Variants in TBC1D5 observed in about 807,000 individuals in gnomAD.
TBC1D5 encodes the protein TBC1 domain family member 5.
TBC1D5 carries 75 observed loss-of-function variants against 100.3 expected under a neutral mutation model. The ratio of observed to expected loss-of-function variants is 0.75; its 90% CI spans 0.62 to 0.91. TBC1D5 has a LOEUF of 0.91. Ranked by LOEUF, TBC1D5 falls within the 40% of genes least tolerant of loss-of-function variation. TBC1D5 has a pLI of 0.00. For synonymous variants in TBC1D5, 323 were observed against 325.6 expected (o/e 0.99, Z 0.09); for missense variants, 910 against 942.4 (o/e 0.97, Z 0.45).
Position 17,409,282 on chromosome 3 carries a change from C to T in TBC1D5, c.168-2756G>A, listed in dbSNP as rs74602519. On this transcript the variant is annotated intron_variant, in intron 4 of 21. Transcript: ENST00000253692. ...ATGTGATCAGTGATCTCTGATGTTA[C>T]TATTGTAACTGTTATGAAGCAAAAT... 3.4e-3 allele frequency among the ~76,000 whole-genome samples: 522 copies of T among 152,144 alleles called. 1 individual carries two copies. The highest frequency in any genetic ancestry group is 0.012 in the African/African-American group (506 of 41,512).
chr3:17,714,564 T>C (rs1372699639), intron 1 of TBC1D5, among the ~76,000 whole-genome samples: 2 of 152,178 alleles, frequency 1.3e-5, no homozygotes. Context: ...TTTTATCTCT[T>C]GACATTCAAG....
chr3:17,427,206 A>G (rs1056681492), intron 4 of TBC1D5, among the ~76,000 whole-genome samples: 3 of 151,984 alleles, frequency 2.0e-5, no homozygotes, highest in Admixed American at 2.0e-4. Flanking sequence ...TACTGCTGTG[A>G]TAACACCCTT....
chr3:17,272,754 T>A (rs1204877050), intron 15 of TBC1D5, among the ~76,000 whole-genome samples: 1 of 152,216 alleles, frequency 6.6e-6, no homozygotes, highest in Non-Finnish European at 1.5e-5. Flanking sequence ...TAATTCTCAG[T>A]TTTCCTTTGG....
intron 1 of TBC1D5, among the ~76,000 whole-genome samples, chr3:17,703,022 G>A (rs910956707): frequency 2.0e-5 from 3 of 151,930 alleles, no homozygotes; most frequent in Admixed American, 1.3e-4. Flanking sequence ...TTTACTGAGT[G>A]GTTTAGAAAA....
At chr3:17,611,353 G>T (rs1447019687) in intron 2 of TBC1D5, among the ~76,000 whole-genome samples, 1 of 152,096 alleles carries the variant, frequency 6.6e-6, no homozygotes, top group Non-Finnish European at 1.5e-5. Flanking sequence ...AGCCTCAAAT[G>T]TGTTTAAAGA....
intron 1 of TBC1D5, among the ~76,000 whole-genome samples, chr3:17,653,981 T>A (rs189187828): frequency 3.4e-4 from 52 of 152,166 alleles, no homozygotes; most frequent in African/African-American, 1.2e-3. Context: ...AAAATTTGCA[T>A]CTACTTAGGA....
intron 19 of TBC1D5, among the ~76,000 whole-genome samples, chr3:17,169,721 A>C (rs540694938): frequency 6.6e-6 from 1 of 152,354 alleles, no homozygotes; most frequent in Admixed American, 6.5e-5. Flanking sequence ...TTCATTCAAC[A>C]AGACATTAAC....
chr3:17,168,180 C>G (rs1270951583), intron 19 of TBC1D5, among the ~76,000 whole-genome samples: 1 of 152,188 alleles, frequency 6.6e-6, no homozygotes, highest in African/African-American at 2.4e-5. Context: ...GCCTGGGCTT[C>G]CTGTATAGCC....
intron 3 of TBC1D5, among the ~76,000 whole-genome samples, chr3:17,448,684 C>T (rs1302968712): frequency 6.6e-6 from 1 of 152,112 alleles, no homozygotes; most frequent in Non-Finnish European, 1.5e-5. Flanking sequence ...CAGTAGGTCA[C>T]AAGAATAGGC....
chr3:17,471,473 C>A (rs2095371430), intron 3 of TBC1D5, among the ~76,000 whole-genome samples: 1 of 151,560 alleles, frequency 6.6e-6, no homozygotes, highest in Admixed American at 6.6e-5. Flanking sequence ...TGAAAGAAAC[C>A]ACTTTGCCTT....
rs35947645 is a variant in TBC1D5 at position 17,356,994 on chromosome 3, T to TA, written c.995+15080dup. 6.4e-3 allele frequency among the ~76,000 whole-genome samples: 962 copies of TA among 149,280 alleles called. 10 individuals carry two copies. The highest frequency in any genetic ancestry group is 0.019 in the African/African-American group (795 of 40,986). On this transcript the variant is annotated intron_variant, in intron 13 of 21. Transcript: ENST00000253692. Reference sequence around the variant, plus strand: ...TGGGGAGATAATCACTGTTTTGTGATAAAAAAAAAAAATAGTGACACTATA... The same window carrying TA: ...TGGGGAGATAATCACTGTTTTGTGATAAAAAAAAAAAAATAGTGACACTATA...
At chr3:17,494,790 C>T (rs1212704755) in intron 3 of TBC1D5, among the ~76,000 whole-genome samples, 10 of 152,306 alleles carry the variant, frequency 6.6e-5, no homozygotes, top group Admixed American at 3.9e-4. Flanking sequence ...GCCCCTCCCT[C>T]GGGAACTCAA....
intron 4 of TBC1D5, among the ~76,000 whole-genome samples, chr3:17,418,973 T>C (rs1408071458): frequency 6.6e-6 from 1 of 152,152 alleles, no homozygotes; most frequent in Non-Finnish European, 1.5e-5. Flanking sequence ...ATTTTTCCTA[T>C]CCTTTCCAAT....
At chr3:17,305,293 T>C (rs1321731939) in intron 14 of TBC1D5, among the ~76,000 whole-genome samples, 4 of 152,198 alleles carry the variant, frequency 2.6e-5, no homozygotes, top group Admixed American at 2.6e-4. Context: ...GAAATGCTTA[T>C]GTTAAACCCA....
intron 13 of TBC1D5, among the ~76,000 whole-genome samples, chr3:17,353,284 A>T (rs2090849635): frequency 6.6e-6 from 1 of 152,070 alleles, no homozygotes; most frequent in Non-Finnish European, 1.5e-5. Context: ...TAACATAAGA[A>T]AGGTTATGAT....
intron 16 of TBC1D5, among the ~76,000 whole-genome samples, chr3:17,239,911 A>T (rs146470724): frequency 6.4e-4 from 98 of 152,352 alleles, no homozygotes; most frequent in African/African-American, 2.3e-3. Context: ...TGCCCAAATC[A>T]TTAATAGAAA....
At chr3:17,590,643 T>C (rs1378947527) in intron 2 of TBC1D5, among the ~76,000 whole-genome samples, 1 of 152,146 alleles carries the variant, frequency 6.6e-6, no homozygotes, top group East Asian at 1.9e-4. Flanking sequence ...GATCTAACAG[T>C]GGGAACCGCA....
At chr3:17,219,867 G>C (rs984830079) in intron 17 of TBC1D5, among the ~76,000 whole-genome samples, 1 of 152,020 alleles carries the variant, frequency 6.6e-6, no homozygotes, top group African/African-American at 2.4e-5. Flanking sequence ...AGTTTATTTT[G>C]ATCATTTTTT....
At chr3:17,231,616 T>C (rs2075426589) in intron 17 of TBC1D5, among the ~76,000 whole-genome samples, 1 of 152,310 alleles carries the variant, frequency 6.6e-6, no homozygotes, top group Admixed American at 6.5e-5. Flanking sequence ...TTTAATTCCT[T>C]GACACTGATT....
Sources: allele counts gnomAD v4.1 joint callset (sites outside exome capture counted in the v4.1 genomes callset), GRCh38; gene constraint gnomAD v4.1.1; transcripts MANE v1.5; gene names NCBI Gene and HGNC (gene_info 2026-07-23, HGNC 2026-07-21).